The following LRMDA variants were observed in gnomAD, a reference collection of about 807,000 sequenced individuals.
The protein encoded by LRMDA is leucine rich melanocyte differentiation associated.
LRMDA carries 18 observed loss-of-function variants against 29.8 expected under a neutral mutation model. The observed-to-expected ratio is 0.60, with a 90% CI of 0.42 to 0.90. LRMDA has a LOEUF of 0.90. LRMDA is among the 40% of genes least tolerant of loss of function. LRMDA has a pLI of 0.00. For missense variants in LRMDA, 273 were observed against 273.9 expected, an observed-to-expected ratio of 1.00 and a Z score of 0.02; for synonymous variants, 125 against 109.4, an observed-to-expected ratio of 1.14 and a Z score of -0.89.
intron 2 of LRMDA, among the ~76,000 whole-genome samples, chr10:75,710,886 T>C (rs1193760656): frequency 6.6e-6 from 1 of 152,266 alleles, no homozygotes; most frequent in Non-Finnish European, 1.5e-5. Flanking sequence ...GTGATTGATT[T>C]CTGAACAGAG....
chr10:76,146,150 A>G (rs572074512), intron 5 of LRMDA, among the ~76,000 whole-genome samples: 82 of 152,324 alleles, frequency 5.4e-4, no homozygotes, highest in African/African-American at 1.9e-3. Context: ...TGTGGTGCTG[A>G]AAAGAATGTA....
intron 6 of LRMDA, among the ~76,000 whole-genome samples, chr10:76,392,657 C>T (rs1297908808): frequency 2.0e-5 from 3 of 151,830 alleles, no homozygotes; most frequent in African/African-American, 7.3e-5. Context: ...CCTGTATGTG[C>T]ATTGTGTCAC....
At chr10:76,353,669 C>G (rs1841205764) in intron 6 of LRMDA, among the ~76,000 whole-genome samples, 1 of 152,122 alleles carries the variant, frequency 6.6e-6, no homozygotes, top group Non-Finnish European at 1.5e-5. Context: ...AGTCATTAAT[C>G]ACAGTGCACA....
intron 2 of LRMDA, among the ~76,000 whole-genome samples, chr10:75,923,475 G>A (rs1243361895): frequency 6.6e-6 from 1 of 152,158 alleles, no homozygotes; most frequent in Non-Finnish European, 1.5e-5. Flanking sequence ...CTCCATAGGA[G>A]AGGAAAACCC....
intron 3 of LRMDA, among the ~76,000 whole-genome samples, chr10:76,040,675 G>A (rs999629918): frequency 6.6e-6 from 1 of 152,154 alleles, no homozygotes; most frequent in Non-Finnish European, 1.5e-5. Context: ...GCCATATCAT[G>A]TCTGAATAAT....
chr10:76,465,221 G>T (rs189920120), intron 6 of LRMDA, among the ~76,000 whole-genome samples: 6 of 152,236 alleles, frequency 3.9e-5, no homozygotes, highest in Admixed American at 3.3e-4. Flanking sequence ...TGACACTAAG[G>T]GGTCACCAGG....
intron 6 of LRMDA, among the ~76,000 whole-genome samples, chr10:76,523,451 C>T (rs1055879547): frequency 3.3e-5 from 5 of 152,130 alleles, no homozygotes; most frequent in Non-Finnish European, 7.3e-5. Flanking sequence ...CAACTCAAGG[C>T]GGGGTGAGAT....
chr10:76,262,076 AT>A (rs1248773314), intron 5 of LRMDA, among the ~76,000 whole-genome samples: 6 of 152,084 alleles, frequency 3.9e-5, no homozygotes, highest in Admixed American at 2.0e-4. Context: ...CTAAAAAAAA[AT>A]AATAATAATA....
At chr10:75,640,825 AT>A (rs984255652) in intron 2 of LRMDA, among the ~76,000 whole-genome samples, 43 of 152,146 alleles carry the variant, frequency 2.8e-4, no homozygotes, top group African/African-American at 9.2e-4. Flanking sequence ...GATATTTTAT[AT>A]TTTTTTCCCC....
intron 5 of LRMDA, among the ~76,000 whole-genome samples, chr10:76,271,815 A>T (rs1840071337): frequency 6.6e-6 from 1 of 152,260 alleles, no homozygotes; most frequent in Non-Finnish European, 1.5e-5. Context: ...TAGTTCCAAA[A>T]ATCTGAATTA....
intron 6 of LRMDA, among the ~76,000 whole-genome samples, chr10:76,379,715 G>A (rs536387035): frequency 4.2e-4 from 64 of 151,482 alleles, no homozygotes; most frequent in Middle Eastern, 3.4e-3. Context: ...ATTTTATTTC[G>A]TTCTGCTCTG....
At chr10:75,690,302 CT>C (rs930243040) in intron 2 of LRMDA, among the ~76,000 whole-genome samples, 9 of 152,068 alleles carry the variant, frequency 5.9e-5, no homozygotes, top group South Asian at 2.1e-4. Context: ...CCCAGGTCCC[CT>C]GACTTCTAAA....
chr10:76,078,079 C>T (rs556505697), intron 5 of LRMDA, among the ~76,000 whole-genome samples: 3 of 127,050 alleles, frequency 2.4e-5, no homozygotes, highest in Admixed American at 1.0e-4. Context: ...GGTGTGATCT[C>T]AGCTCACTGC....
chr10:75,593,189 T>TA (rs1375019974), intron 2 of LRMDA, among the ~76,000 whole-genome samples: 1 of 152,254 alleles, frequency 6.6e-6, no homozygotes, highest in African/African-American at 2.4e-5. Flanking sequence ...AACCAGTTTT[T>TA]ACCAACCAAA....
chr10:75,610,295 C>A (rs1174634167), intron 2 of LRMDA, among the ~76,000 whole-genome samples: 1 of 151,850 alleles, frequency 6.6e-6, no homozygotes, highest in Non-Finnish European at 1.5e-5. Flanking sequence ...AGAAGTAGTC[C>A]TCATTAATAC....
rs1174024731 is a variant in LRMDA at position 76,340,515 on chromosome 10, CAAAA to C, written c.601+16049_601+16052del. On this transcript the variant is annotated intron_variant, in intron 6 of 6. Transcript: ENST00000611255. ...TAGGTGACAGAGTGAGAACCTGTAT[CAAAA>C]AAAAAAAAAAAAAAAAAAGAGAGAG... 2.2e-3 allele frequency among the ~76,000 whole-genome samples: 164 copies of C among 75,754 alleles called. 2 individuals carry two copies. The highest frequency in any genetic ancestry group is 0.021 in the East Asian group (62 of 2,886). 49.7% of individuals were successfully genotyped at this position (75,754 alleles called of 152,430 possible).
intron 2 of LRMDA, among the ~76,000 whole-genome samples, chr10:75,547,532 G>C (rs1296196910): frequency 6.6e-6 from 1 of 152,208 alleles, no homozygotes; most frequent in Non-Finnish European, 1.5e-5. Flanking sequence ...GCCACAATAA[G>C]TGCTGTGGAA....
At chr10:76,477,564 A>C (rs180920916) in intron 6 of LRMDA, among the ~76,000 whole-genome samples, 1 of 152,172 alleles carries the variant, frequency 6.6e-6, no homozygotes, top group Non-Finnish European at 1.5e-5. Context: ...TAAAGTTCAT[A>C]TGGAACCGAA....
At chr10:75,865,757 A>AT (rs930195910) in intron 2 of LRMDA, among the ~76,000 whole-genome samples, 43 of 149,618 alleles carry the variant, frequency 2.9e-4, no homozygotes, top group Admixed American at 1.4e-3. Flanking sequence ...TTCTTGGCTA[A>AT]TTTTTTTTTT....
Sources: gnomAD v4.1 joint callset for allele counts (sites outside exome capture counted in the v4.1 genomes callset) on GRCh38, gnomAD v4.1.1 for gene constraint, MANE v1.5 for transcripts, NCBI Gene and HGNC (gene_info 2026-07-23, HGNC 2026-07-21) for gene names.